Variants in EPHA6 observed in about 807,000 individuals in gnomAD.
The protein encoded by EPHA6 is EPH receptor A6.
A neutral mutation model predicts 112.0 loss-of-function variants in EPHA6; 50 were observed. That is an observed-to-expected ratio of 0.45 (90% CI 0.36 to 0.56). EPHA6 has a LOEUF of 0.56. Among genes scored for constraint, EPHA6 ranks in the 20% least tolerant of loss-of-function variants. The probability of loss-of-function intolerance (pLI) is 0.00; values close to 1 mark genes in which losing one functional copy is unlikely to be tolerated. For synonymous variants in EPHA6, 529 were observed against 490.7 expected (o/e 1.08, Z -1.03); for missense variants, 1,280 against 1,417.4 (o/e 0.90, Z 1.56).
At chr3:97,316,206 A>G (rs1479129310) in intron 5 of EPHA6, among the ~76,000 whole-genome samples, 2 of 151,870 alleles carry the variant, frequency 1.3e-5, no homozygotes, top group African/African-American at 4.8e-5. Flanking sequence ...TAGCTATTTC[A>G]CTTAAACCAA....
At chr3:97,385,204 G>A (rs1005010161) in intron 5 of EPHA6, among the ~76,000 whole-genome samples, 10 of 152,060 alleles carry the variant, frequency 6.6e-5, no homozygotes, top group Non-Finnish European at 1.5e-4. Flanking sequence ...TTTTACATAA[G>A]AGACCAAGAA....
intron 5 of EPHA6, among the ~76,000 whole-genome samples, chr3:97,278,641 A>G (rs568114753): frequency 9.8e-5 from 15 of 152,336 alleles, no homozygotes; most frequent in African/African-American, 3.4e-4. Context: ...CACTCTGTCC[A>G]CTGCATATCA....
At chr3:97,077,323 A>T (rs2046559216) in intron 3 of EPHA6, among the ~76,000 whole-genome samples, 1 of 246 alleles carries the variant, frequency 4.1e-3, no homozygotes, top group South Asian at 0.12. Flanking sequence ...GTAACTGCAG[A>T]TGTTTGTGGA....
intron 2 of EPHA6, among the ~76,000 whole-genome samples, chr3:96,884,201 C>T (rs187162262): frequency 9.9e-5 from 15 of 151,236 alleles, no homozygotes; most frequent in South Asian, 2.1e-4. Flanking sequence ...TGGCTATGTG[C>T]GCTCTTTTTT....
intron 3 of EPHA6, among the ~76,000 whole-genome samples, chr3:97,024,296 C>G (rs1172852104): frequency 6.6e-6 from 1 of 152,064 alleles, no homozygotes; most frequent in Non-Finnish European, 1.5e-5. Context: ...GCATTGATCT[C>G]AGTCATGGGA....
chr3:97,153,567 A>G (rs1434114933), intron 3 of EPHA6, among the ~76,000 whole-genome samples: 2 of 152,150 alleles, frequency 1.3e-5, no homozygotes, highest in Non-Finnish European at 2.9e-5. Context: ...TATTTGATGA[A>G]TGTTTGTTGA....
At chr3:97,632,201 C>T (rs959282328) in intron 13 of EPHA6, among the ~76,000 whole-genome samples, 2 of 151,790 alleles carry the variant, frequency 1.3e-5, no homozygotes, top group East Asian at 1.9e-4. Context: ...AATATCTTAC[C>T]GCATACTGAA....
intron 10 of EPHA6, among the ~76,000 whole-genome samples, chr3:97,517,538 A>T (rs532406220): frequency 6.6e-6 from 1 of 152,098 alleles, no homozygotes; most frequent in South Asian, 2.1e-4. Flanking sequence ...CATATTGTAG[A>T]ATAACTAAAT....
intron 11 of EPHA6, among the ~76,000 whole-genome samples, chr3:97,577,519 C>G (rs963231504): frequency 5.3e-5 from 8 of 151,966 alleles, no homozygotes; most frequent in Admixed American, 1.3e-4. Context: ...AAAAAAAATC[C>G]CCTGTCTTGA....
At chr3:96,979,013 T>A (rs1274295192) in intron 2 of EPHA6, among the ~76,000 whole-genome samples, 3 of 152,174 alleles carry the variant, frequency 2.0e-5, no homozygotes, top group Non-Finnish European at 4.4e-5. Flanking sequence ...TGCTTTTTGT[T>A]AATATGAAGT....
chr3:97,736,464 A>AGTGT (rs1553681773), intron 16 of EPHA6, among the ~76,000 whole-genome samples: 28 of 143,244 alleles, frequency 2.0e-4, no homozygotes, highest in South Asian at 2.2e-4. Flanking sequence ...AGAGAGAGAG[A>AGTGT]GAGAGAGTGT....
intron 13 of EPHA6, among the ~76,000 whole-genome samples, chr3:97,615,583 T>C (rs2093758809): frequency 6.6e-6 from 1 of 152,108 alleles, no homozygotes; most frequent in Admixed American, 6.5e-5. Flanking sequence ...ATAGAGTTCC[T>C]GGGGGGAGGG....
intron 3 of EPHA6, among the ~76,000 whole-genome samples, chr3:97,040,751 A>G (rs573918602): frequency 2.6e-5 from 4 of 152,124 alleles, no homozygotes; most frequent in African/African-American, 9.6e-5. Context: ...TGCAACAGCA[A>G]AGCAATGATG....
chr3:97,349,250 T>C (rs2083684394), intron 5 of EPHA6, among the ~76,000 whole-genome samples: 1 of 152,068 alleles, frequency 6.6e-6, no homozygotes, highest in African/African-American at 2.4e-5. Context: ...TATTTTTTGA[T>C]CAGGATTTTA....
chr3:97,534,230 A>G (rs545219445), intron 11 of EPHA6, among the ~76,000 whole-genome samples: 2 of 152,248 alleles, frequency 1.3e-5, no homozygotes, highest in South Asian at 2.1e-4. Flanking sequence ...ATCATTGTAA[A>G]CCACATTCAA....
intron 3 of EPHA6, among the ~76,000 whole-genome samples, chr3:97,000,234 T>C (rs2043594674): frequency 6.6e-6 from 1 of 151,348 alleles, no homozygotes; most frequent in South Asian, 2.1e-4. Context: ...GTTATGGGTC[T>C]ATTCCAATTA....
intron 4 of EPHA6, among the ~76,000 whole-genome samples, chr3:97,233,579 A>T (rs182113847): frequency 2.0e-3 from 305 of 152,262 alleles, no homozygotes; most frequent in Non-Finnish European, 3.6e-3. Context: ...TAGATATTGT[A>T]TTTCTATGAA....
chr3:97,470,293 T>C (rs2107439876), intron 7 of EPHA6, among the ~76,000 whole-genome samples: 1 of 151,886 alleles, frequency 6.6e-6, no homozygotes, highest in Admixed American at 6.6e-5. Context: ...TTGAGATTTG[T>C]GCTATGTTTA....
intron 14 of EPHA6, among the ~76,000 whole-genome samples, chr3:97,643,121 A>G (rs1204211554): frequency 6.6e-6 from 1 of 152,140 alleles, no homozygotes; most frequent in African/African-American, 2.4e-5. Context: ...GCCAGAAGAG[A>G]GTGGGGGCCA....
Sources: gnomAD v4.1 joint callset for allele counts (sites outside exome capture counted in the v4.1 genomes callset) on GRCh38, gnomAD v4.1.1 for gene constraint, MANE v1.5 for transcripts, NCBI Gene and HGNC (gene_info 2026-07-23, HGNC 2026-07-21) for gene names.